The following ERBB4 variants were observed in gnomAD, a reference collection of about 807,000 sequenced individuals.
ERBB4 encodes the protein erb-b2 receptor tyrosine kinase 4.
A neutral mutation model predicts 158.0 loss-of-function variants in ERBB4; 42 were observed. That is an observed-to-expected ratio of 0.27 (90% CI 0.21 to 0.34). ERBB4 has a LOEUF of 0.34. Ranked by LOEUF, ERBB4 falls within the 10% of genes least tolerant of loss-of-function variation. The pLI, the probability that ERBB4 is intolerant of heterozygous loss-of-function variation, is 1.00. For synonymous variants in ERBB4, 583 were observed against 558.7 expected, an observed-to-expected ratio of 1.04 and a Z score of -0.61; for missense variants, 1,333 against 1,624.1, an observed-to-expected ratio of 0.82 and a Z score of 3.08.
At chr2:212,190,717 TA>T (rs2082164030) in intron 1 of ERBB4, among the ~76,000 whole-genome samples, 1 of 152,168 alleles carries the variant, frequency 6.6e-6, no homozygotes, top group Non-Finnish European at 1.5e-5. Flanking sequence ...GAAACCCTGT[TA>T]ATCTATTTCA....
chr2:211,745,718 A>AAAAC (rs1259175355), intron 5 of ERBB4, among the ~76,000 whole-genome samples: 2 of 122,688 alleles, frequency 1.6e-5, no homozygotes, highest in Non-Finnish European at 3.7e-5. Flanking sequence ...ACCGCCAGAA[A>AAAAC]AAAAACAAAA....
At chr2:211,780,295 T>C (rs1414669154) in intron 4 of ERBB4, among the ~76,000 whole-genome samples, 1 of 152,078 alleles carries the variant, frequency 6.6e-6, no homozygotes. Flanking sequence ...ACCCAAGCGG[T>C]CGAGGCTCCA....
rs149703928 is a variant in ERBB4, at chr2:211,802,816, C to T, written c.422-14657G>A. 6.3e-3 allele frequency among the ~76,000 whole-genome samples: 954 copies of T among 152,182 alleles called. 18 individuals are homozygous for T. Among genetic ancestry groups the T allele is most frequent in the Middle Eastern group, 0.041 (12 of 294 alleles). On this transcript the variant is annotated intron_variant, in intron 3 of 27. Transcript: ENST00000342788. ...AATTAGCTAAGTGGAGAAGACGCTCCCTTTTAGAGTGAATAGGAGGAGAGG... is the reference window on the plus strand; with the variant it reads ...AATTAGCTAAGTGGAGAAGACGCTCTCTTTTAGAGTGAATAGGAGGAGAGG...
At chr2:211,957,603 T>C (rs2081069321) in intron 2 of ERBB4, among the ~76,000 whole-genome samples, 1 of 152,104 alleles carries the variant, frequency 6.6e-6, no homozygotes, top group African/African-American at 2.4e-5. Flanking sequence ...GATGTTAAGG[T>C]CTCCAAATCC....
At chr2:212,445,596 A>G (rs935970996) in intron 1 of ERBB4, among the ~76,000 whole-genome samples, 3 of 152,196 alleles carry the variant, frequency 2.0e-5, no homozygotes, top group Non-Finnish European at 2.9e-5. Flanking sequence ...CTACTCCATA[A>G]TGGAGGTAAG....
chr2:212,102,219 G>A, intron 2 of ERBB4, among the ~76,000 whole-genome samples: 1 of 150,248 alleles, frequency 6.7e-6, no homozygotes, highest in African/African-American at 2.4e-5. Flanking sequence ...TAACTCTGGT[G>A]TTCAAAGCTG....
chr2:212,211,460 C>T (rs2082930523), intron 1 of ERBB4, among the ~76,000 whole-genome samples: 1 of 152,062 alleles, frequency 6.6e-6, no homozygotes, highest in Non-Finnish European at 1.5e-5. Flanking sequence ...ATTTCTGTGT[C>T]CTTAGTGCTT....
intron 1 of ERBB4, among the ~76,000 whole-genome samples, chr2:212,180,487 T>C (rs1001797532): frequency 1.3e-5 from 2 of 151,708 alleles, no homozygotes; most frequent in Admixed American, 1.3e-4. Context: ...CATTGTTTCA[T>C]TTGCCTTTAA....
At chr2:211,594,625 T>A (rs180933319) in intron 19 of ERBB4, among the ~76,000 whole-genome samples, 16 of 152,272 alleles carry the variant, frequency 1.1e-4, no homozygotes, top group East Asian at 5.8e-4. Flanking sequence ...ATAAATAGCA[T>A]AGCTGTTTAT....
intron 2 of ERBB4, among the ~76,000 whole-genome samples, chr2:211,975,782 C>G (rs1355385873): frequency 6.6e-6 from 1 of 151,912 alleles, no homozygotes; most frequent in Non-Finnish European, 1.5e-5. Context: ...CTTATAAATG[C>G]CAATGAATTT....
intron 1 of ERBB4, among the ~76,000 whole-genome samples, chr2:212,410,938 G>A (rs559364352): frequency 1.2e-4 from 18 of 151,976 alleles, no homozygotes; most frequent in African/African-American, 4.3e-4. Flanking sequence ...TACACTTTTT[G>A]ATATATGACT....
At chr2:212,265,789 C>A (rs2085112930) in intron 1 of ERBB4, among the ~76,000 whole-genome samples, 2 of 152,076 alleles carry the variant, frequency 1.3e-5, no homozygotes, top group Admixed American at 6.6e-5. Flanking sequence ...ATTACTTTGT[C>A]TTTCTGAATT....
At chr2:212,384,979 A>C (rs1277051053) in intron 1 of ERBB4, among the ~76,000 whole-genome samples, 1 of 149,198 alleles carries the variant, frequency 6.7e-6, no homozygotes, top group Non-Finnish European at 1.5e-5. Flanking sequence ...CTACCCTACA[A>C]GGTGTTCCAC....
chr2:212,043,770 C>T (rs1268547636), intron 2 of ERBB4, among the ~76,000 whole-genome samples: 1 of 152,030 alleles, frequency 6.6e-6, no homozygotes, highest in Non-Finnish European at 1.5e-5. Context: ...CATTTGTGAC[C>T]TTGAACAAGT....
chr2:212,312,910 A>T (rs1488498570), intron 1 of ERBB4, among the ~76,000 whole-genome samples: 2 of 150,946 alleles, frequency 1.3e-5, no homozygotes, highest in African/African-American at 4.8e-5. Flanking sequence ...GTATATTTTT[A>T]AAAGTTACTA....
chr2:211,481,312 G>C (rs112397285), intron 20 of ERBB4, among the ~76,000 whole-genome samples: 1 of 152,236 alleles, frequency 6.6e-6, no homozygotes, highest in African/African-American at 2.4e-5. Flanking sequence ...AATTCTAAGA[G>C]ATTGATACTA....
chr2:211,618,170 G>C (rs889637199), intron 19 of ERBB4, among the ~76,000 whole-genome samples: 2 of 151,742 alleles, frequency 1.3e-5, no homozygotes, highest in Non-Finnish European at 2.9e-5. Context: ...GACTCAGGTA[G>C]GTTCTTAATT....
At chr2:212,191,698 AACAC>A (rs2082223527) in intron 1 of ERBB4, among the ~76,000 whole-genome samples, 3 of 29,392 alleles carry the variant, frequency 1.0e-4, no homozygotes, top group Non-Finnish European at 3.0e-4. Flanking sequence ...TGTTACATAT[AACAC>A]GTGTTATACA....
intron 2 of ERBB4, among the ~76,000 whole-genome samples, chr2:211,981,638 C>A (rs1374964146): frequency 2.0e-5 from 3 of 152,150 alleles, no homozygotes; most frequent in African/African-American, 4.8e-5. Flanking sequence ...CCCTTACATC[C>A]TGATGTGCTT....
Sources: allele counts gnomAD v4.1 joint callset (sites outside exome capture counted in the v4.1 genomes callset), GRCh38; gene constraint gnomAD v4.1.1; transcripts MANE v1.5; gene names NCBI Gene and HGNC (gene_info 2026-07-23, HGNC 2026-07-21).